The following WWOX variants were observed in gnomAD, a reference collection of about 807,000 sequenced individuals.
The protein encoded by WWOX is WW domain containing oxidoreductase.
A neutral mutation model predicts 46.2 loss-of-function variants in WWOX; 69 were observed. That is an observed-to-expected ratio of 1.49 (90% CI 1.23 to 1.82). The LOEUF (loss-of-function observed/expected upper bound fraction) is 1.82, where lower values mean the gene tolerates loss of function less well. Ranked by LOEUF, WWOX falls within the 40% of genes most tolerant of loss-of-function variation. The pLI, the probability that WWOX is intolerant of heterozygous loss-of-function variation, is 0.00. For missense variants in WWOX, 919 were observed against 542.6 expected, an observed-to-expected ratio of 1.69 and a Z score of -6.89; for synonymous variants, 359 against 202.6, an observed-to-expected ratio of 1.77 and a Z score of -6.56.
In WWOX at chr16:78,691,303, AC is replaced by A. The variant is rs1488541670; in HGVS notation, c.1056+258553del. The A allele has an allele frequency of 1.7e-5, 12 of 701,560 alleles. No homozygotes were observed. In the African/African-American group the frequency reaches 1.9e-4, roughly 11 times the overall value. The allele number at this position is 701,560 out of a possible 1,614,324, so 43.5% of individuals were successfully genotyped here. ...TTGTCAGTGACTTTGGTGAGTTCTT[AC>A]CTTGTAAAAGATTTACAATTATTTC... On this transcript the variant is annotated intron_variant, in intron 8 of 8. Coordinates refer to ENST00000566780, the MANE Select transcript of WWOX (RefSeq NM_016373.4).
intron 8 of WWOX, among the ~76,000 whole-genome samples, chr16:78,559,439 A>G (rs985227197): frequency 2.0e-5 from 3 of 152,316 alleles, no homozygotes; most frequent in East Asian, 1.9e-4. Context: ...AAATTCTAGC[A>G]TGAGACTGGG....
intron 4 of WWOX, among the ~76,000 whole-genome samples, chr16:78,152,888 C>G (rs1376781058): frequency 2.2e-5 from 3 of 134,320 alleles, no homozygotes; most frequent in Non-Finnish European, 4.7e-5. Flanking sequence ...CCGTTTCCCA[C>G]TTCTTGAGTT....
chr16:78,910,133 G>T (rs2045070320), intron 8 of WWOX, among the ~76,000 whole-genome samples: 1 of 151,550 alleles, frequency 6.6e-6, no homozygotes, highest in Non-Finnish European at 1.5e-5. Flanking sequence ...TTCCTCGTCT[G>T]TCCTTCTGGG....
chr16:79,109,864 G>A (rs957903441), intron 8 of WWOX, among the ~76,000 whole-genome samples: 1 of 152,140 alleles, frequency 6.6e-6, no homozygotes, highest in Non-Finnish European at 1.5e-5. Context: ...GCATGTTACT[G>A]CAGTACAAGA....
At chr16:78,458,380 C>CTGGGA (rs2083875783) in intron 8 of WWOX, among the ~76,000 whole-genome samples, 19 of 151,880 alleles carry the variant, frequency 1.3e-4, no homozygotes, top group Admixed American at 1.2e-3. Flanking sequence ...CTGGCCTCAG[C>CTGGGA]CTCCCAAGTA....
chr16:79,136,258 G>A (rs563867146), intron 8 of WWOX, among the ~76,000 whole-genome samples: 5 of 150,552 alleles, frequency 3.3e-5, no homozygotes, highest in African/African-American at 2.4e-5. Flanking sequence ...TTAAGACGGA[G>A]TCTTGCTCTT....
At position 78,902,278 on chromosome 16, in the gene WWOX, T is replaced by G. The variant is rs2044849505; in HGVS notation, c.1057-309330T>G. Among the ~76,000 whole-genome samples, 3 of 152,140 alleles carry G rather than the reference T, an allele frequency of 2.0e-5. No individual in the cohort carries two copies. In the South Asian group the frequency reaches 6.2e-4, roughly 31 times the overall value. On this transcript the variant is annotated intron_variant, in intron 8 of 8. Transcript: ENST00000566780. ...AACCCCACCAAATGCCTTTGTATCT[T>G]TTTCAGAACTGCATCTCTGCAGCAT... is the stretch of plus-strand genomic sequence containing the variant.
intron 8 of WWOX, among the ~76,000 whole-genome samples, chr16:78,953,877 C>T (rs2046112814): frequency 2.0e-5 from 3 of 152,182 alleles, no homozygotes; most frequent in Non-Finnish European, 4.4e-5. Context: ...GTTTATTTGA[C>T]ACTTTTCACT....
At chr16:78,791,515 G>T (rs1197776395) in intron 8 of WWOX, among the ~76,000 whole-genome samples, 1 of 152,102 alleles carries the variant, frequency 6.6e-6, no homozygotes, top group African/African-American at 2.4e-5. Context: ...TTTCTCTTGT[G>T]TTCCCCAGAT....
chr16:78,921,618 A>T (rs1300957332), intron 8 of WWOX, among the ~76,000 whole-genome samples: 1 of 152,228 alleles, frequency 6.6e-6, no homozygotes, highest in African/African-American at 2.4e-5. Flanking sequence ...CAGGGAGGTT[A>T]CATGGATTCT....
At chr16:78,672,664 A>C (rs1452285879) in intron 8 of WWOX, among the ~76,000 whole-genome samples, 2 of 152,192 alleles carry the variant, frequency 1.3e-5, no homozygotes, top group African/African-American at 4.8e-5. Context: ...AGATACTTAA[A>C]TAAAAGTGAT....
At chr16:79,031,032 G>A (rs560541131) in intron 8 of WWOX, among the ~76,000 whole-genome samples, 10 of 150,048 alleles carry the variant, frequency 6.7e-5, no homozygotes, top group South Asian at 2.1e-4. Flanking sequence ...GGTTGAGGCC[G>A]CAGTGAGCCG....
chr16:79,006,037 G>A (rs1050165783), intron 8 of WWOX, among the ~76,000 whole-genome samples: 1 of 152,148 alleles, frequency 6.6e-6, no homozygotes, highest in Non-Finnish European at 1.5e-5. Flanking sequence ...TGCTAGGCCT[G>A]GTGCTCAGCG....
intron 1 of WWOX, among the ~76,000 whole-genome samples, chr16:78,104,394 G>A (rs902375055): frequency 1.3e-5 from 2 of 152,090 alleles, no homozygotes; most frequent in African/African-American, 2.4e-5. Context: ...GGCTGGCCAT[G>A]GTGGGAGGCC....
At chr16:78,733,940 G>A (rs1309936383) in intron 8 of WWOX, among the ~76,000 whole-genome samples, 1 of 151,824 alleles carries the variant, frequency 6.6e-6, no homozygotes, top group Non-Finnish European at 1.5e-5. Flanking sequence ...CACACCTGTG[G>A]TCCCAGGTAG....
At chr16:78,926,176 C>G (rs1489574572) in intron 8 of WWOX, among the ~76,000 whole-genome samples, 1 of 152,008 alleles carries the variant, frequency 6.6e-6, no homozygotes, top group African/African-American at 2.4e-5. Flanking sequence ...GAGTTTGAGA[C>G]CAGCCTGGGT....
intron 4 of WWOX, among the ~76,000 whole-genome samples, chr16:78,140,000 GT>G (rs2033929911): frequency 6.6e-6 from 1 of 152,140 alleles, no homozygotes; most frequent in Non-Finnish European, 1.5e-5. Flanking sequence ...AGAATTTTGG[GT>G]TTGCACATGT....
chr16:78,422,649 T>A (rs547273409), intron 6 of WWOX, among the ~76,000 whole-genome samples: 479 of 44,046 alleles, frequency 0.011, 4 homozygotes, highest in Non-Finnish European at 0.03. Context: ...CCCAGCCTCC[T>A]GTTTTTTTTA....
chr16:78,435,676 G>A (rs2083319839), intron 8 of WWOX, among the ~76,000 whole-genome samples: 2 of 152,156 alleles, frequency 1.3e-5, no homozygotes, highest in Non-Finnish European at 2.9e-5. Context: ...TGACTTCCTG[G>A]TGGTGGCAAG....
Sources: allele counts gnomAD v4.1 joint callset (sites outside exome capture counted in the v4.1 genomes callset), GRCh38; gene constraint gnomAD v4.1.1; transcripts MANE v1.5; gene names NCBI Gene and HGNC (gene_info 2026-07-23, HGNC 2026-07-21).